Variants in PITHD1 observed in about 807,000 individuals in gnomAD.
PITHD1 encodes PITH domain-containing protein 1.
In PITHD1, 8 loss-of-function variants were observed where a neutral mutation model predicts 27.5. The ratio of observed to expected loss-of-function variants is 0.29; its 90% confidence interval spans 0.17 to 0.52. The LOEUF is 0.52. Ranked by LOEUF, PITHD1 falls within the 20% of genes least tolerant of loss-of-function variation. The pLI is 0.96. For synonymous variants in PITHD1, 118 were observed against 106.8 expected, an observed-to-expected ratio of 1.10 and a Z score of -0.64; for missense variants, 233 against 283.9, an observed-to-expected ratio of 0.82 and a Z score of 1.29.
In PITHD1 at chr1:23,778,673, G is replaced by T. The variant is rs1163481513; in HGVS notation, c.158G>T (p.Gly53Val). 26 of 1,317,778 alleles carry T rather than the reference G, an allele frequency of 2.0e-5. No individual in the cohort carries two copies. The highest frequency in any genetic ancestry group is 2.5e-5 in the Non-Finnish European group (26 of 1,035,720). The allele number at this position is 1,317,778 out of a possible 1,614,324, so 81.6% of individuals were successfully genotyped here. A position where few individuals can be genotyped will look rare whatever the true frequency, so the allele number is the denominator to read the frequency against. Reference protein sequence around the residue: ...LNESREGSGRGVFKPWEERTD... With the variant: ...LNESREGSGRVVFKPWEERTD... ...GAGAGCCGCGAGGGCAGCGGCCGCG[G>T]CGTCTTCAAGCCGTGGGAGGAGCGG... The change falls in exon 1 of 6, where the codon GGC (glycine) becomes GTC (valine). Residue 53 changes from glycine to valine, a missense_variant. By Grantham distance (109) the Gly-to-Val change is moderately radical. Transcript: ENST00000246151.
At chr1:23,783,539 C>T (rs1638640866) in intron 3 of PITHD1, among the ~76,000 whole-genome samples, 1 of 151,594 alleles carries the variant, frequency 6.6e-6, no homozygotes, top group African/African-American at 2.4e-5. Context: ...GCAACCTCCG[C>T]CTCCTGGGGT....
At chr1:23,785,550 T>C (rs1638669866) in intron 3 of PITHD1, 125 bp from the exon 4 acceptor site, 2 of 519,662 alleles carry the variant, frequency 3.8e-6, no homozygotes, top group Middle Eastern at 4.9e-4. Context: ...ATTTCTAAAA[T>C]ATGACCCCCA....
chr1:23,785,640 A>T (rs773756273), intron 3 of PITHD1, 35 bp from the exon 4 acceptor site: 7 of 1,350,792 alleles, frequency 5.2e-6, no homozygotes, highest in Non-Finnish European at 7.4e-6. Flanking sequence ...GTGATAATGC[A>T]CATTTCTTGA....
intron 3 of PITHD1, among the ~76,000 whole-genome samples, chr1:23,782,640 C>T (rs1331760074): frequency 6.6e-6 from 1 of 152,076 alleles, no homozygotes; most frequent in Non-Finnish European, 1.5e-5. Flanking sequence ...CTTACTTTGT[C>T]ACCTAGGCTG....
At chr1:23,779,612 G>T in intron 2 of PITHD1, 131 bp downstream of exon 2, 2 of 780,320 alleles carry the variant, frequency 2.6e-6, no homozygotes, top group South Asian at 3.0e-5. Context: ...GTGGGTTTGA[G>T]GAGGAAAGCA....
Position 23,785,786 on chromosome 1 carries a change from A to G in PITHD1, c.425+7A>G, listed in dbSNP as rs1201796733. ...AATTAGAGTATGCTACAAAGTAAGC[A>G]CTGGGCCTGTCTTCCATTCTCTATG... On this transcript the variant is annotated splice_region_variant and intron_variant, in intron 4 of 5. Coordinates refer to ENST00000246151, the MANE Select transcript of PITHD1 (RefSeq NM_020362.5). The G allele has an allele frequency of 6.7e-7, 1 of 1,489,560 alleles. No homozygotes were observed. Among genetic ancestry groups the G allele is most frequent in the Non-Finnish European group, 9.4e-7 (1 of 1,066,628 alleles). The allele number at this position is 1,489,560 out of a possible 1,614,324, so 92.3% of individuals were successfully genotyped here.
chr1:23,787,156 G>T, intron 5 of PITHD1, 119 bp from the exon 6 acceptor site: 1 of 589,418 alleles, frequency 1.7e-6, no homozygotes, highest in Non-Finnish European at 3.1e-6. Context: ...ATTAAAATAA[G>T]GAGATATTAA....
At chr1:23,779,557 G>A (rs918358928) in intron 2 of PITHD1, 76 bp downstream of exon 2, 15 of 1,095,582 alleles carry the variant, frequency 1.4e-5, no homozygotes, top group Non-Finnish European at 2.1e-5. Context: ...ATTCACTGGT[G>A]TCAAGAGCAC....
In PITHD1 at chr1:23,779,420, C is replaced by T. The variant is rs560081781; in HGVS notation, c.199-18C>T. 1 of 1,605,350 alleles carries T rather than the reference C, an allele frequency of 6.2e-7. No individual in the cohort carries two copies. Among genetic ancestry groups the T allele is most frequent in the South Asian group, 1.1e-5 (1 of 90,874 alleles). On this transcript the variant is annotated intron_variant, in intron 1 of 5. Coordinates refer to ENST00000246151, the MANE Select transcript of PITHD1 (RefSeq NM_020362.5). ...AAATATTTGTTGCTTTCTCCTCCCC[C>T]CTCCCCATCCCCTCCAGTTTGTTGA... is the stretch of plus-strand genomic sequence containing the variant.
At chr1:23,780,019 C>CT in intron 3 of PITHD1, 78 bp downstream of exon 3, 2 of 797,220 alleles carry the variant, frequency 2.5e-6, no homozygotes, top group South Asian at 2.8e-5. Flanking sequence ...AGAATAGTAT[C>CT]ATTTTCTTCT....
At position 23,778,428 on chromosome 1, in the gene PITHD1, G is replaced by A. The variant is rs1320868439; in HGVS notation, c.-88G>A. 5.3e-6 allele frequency: 5 copies of A among 950,278 alleles called. No individual in the cohort carries two copies. The highest frequency in any genetic ancestry group is 6.8e-6 in the Non-Finnish European group (5 of 732,054). 58.9% of individuals were successfully genotyped at this position (950,278 alleles called of 1,614,324 possible). On this transcript the variant is annotated 5_prime_UTR_variant, in exon 1 of 6. Transcript: ENST00000246151. ...AGGCGCGGCGCGCTTAGTTGCCGGA[G>A]CTGAACGGCGCGGAGCTGGTCTGAG... is the stretch of plus-strand genomic sequence containing the variant.
At position 23,778,713 on chromosome 1, in the gene PITHD1, G is replaced by C. The variant is rs1638548525; in HGVS notation, c.198G>C (p.Lys66Asn). 3.1e-6 allele frequency: 4 copies of C among 1,281,854 alleles called. No individual in the cohort carries two copies. In the East Asian group the frequency reaches 1.2e-4, roughly 40 times the overall value. The allele number at this position is 1,281,854 out of a possible 1,614,324, so 79.4% of individuals were successfully genotyped here. A position where few individuals can be genotyped will look rare whatever the true frequency, so the allele number is the denominator to read the frequency against. Residue 66 changes from lysine to asparagine, a missense_variant and splice_region_variant, in exon 1 of 6, where the codon AAG becomes AAC. Transcript: ENST00000246151. ...GGGAGGAGCGGACCGACCGCTCCAA[G>C]GTGGGCCGCCTGGGGCTTGGGGCGG... ...KPWEERTDRS[K>N]FVESDADEEL...
intron 3 of PITHD1, among the ~76,000 whole-genome samples, chr1:23,784,532 G>A (rs571957360): frequency 5.3e-5 from 8 of 152,184 alleles, no homozygotes; most frequent in East Asian, 1.9e-4. Flanking sequence ...GAGCCACTGC[G>A]CCCGGCGGCT....
At chr1:23,779,282 G>A (rs888039016) in intron 1 of PITHD1, 156 bp from the exon 2 acceptor site, 4 of 648,476 alleles carry the variant, frequency 6.2e-6, no homozygotes, top group African/African-American at 5.5e-5. Flanking sequence ...CACTGGATAA[G>A]ACTGGTTAGC....
intron 3 of PITHD1, among the ~76,000 whole-genome samples, chr1:23,782,465 C>T (rs1305882302): frequency 1.3e-5 from 2 of 150,186 alleles, no homozygotes; most frequent in African/African-American, 2.4e-5. Flanking sequence ...CACAGTGGCT[C>T]ATGCCTCAAT....
At position 23,787,263 on chromosome 1, in the gene PITHD1, A is replaced by T; in HGVS notation, c.535-12A>T. ...TTAATGGCTGGCTGACCCAGCCTCA[A>T]TTTTCTTGCAGCTTCGCCGACACGA... is the stretch of plus-strand genomic sequence containing the variant. On this transcript the variant is annotated splice_polypyrimidine_tract_variant and intron_variant, in intron 5 of 5. Transcript: ENST00000246151. 1.9e-6 allele frequency: 3 copies of T among 1,609,326 alleles called. No homozygotes were observed. The highest frequency in any genetic ancestry group is 2.6e-6 in the Non-Finnish European group (3 of 1,175,824).
rs1394877702 is a variant in PITHD1, at chr1:23,785,716, G to A, written c.362G>A (p.Arg121Lys). 6.2e-7 allele frequency: 1 copy of A among 1,610,942 alleles called. No individual in the cohort carries two copies. The highest frequency in any genetic ancestry group is 1.3e-5 in the African/African-American group (1 of 74,870). The stretch of plus-strand genomic sequence containing the variant: ...CAGATGTCCTTTGATGATACAGAAA[G>A]GGAGCCAGATCAGACCTTTAGTCTG... The part of the protein sequence containing the change: ...IPQMSFDDTE[R>K]EPDQTFSLNR... The change falls in exon 4 of 6, where the codon AGG becomes AAG. Residue 121 changes from arginine (R) to lysine (K), a missense_variant. Transcript: ENST00000246151.
chr1:23,778,639 T>C lies in PITHD1; in HGVS notation c.124T>C (p.Cys42Arg). ...GCGCATCGACCTGGAGCGGCTGCAA[T>C]GCCTTAACGAGAGCCGCGAGGGCAG... The part of the protein sequence containing the change: ...YLRIDLERLQ[C>R]LNESREGSGR... Residue 42 changes from cysteine (C) to arginine (R), a missense_variant, in exon 1 of 6, where the codon TGC (cysteine) becomes CGC (arginine). Transcript: ENST00000246151. The C allele has an allele frequency of 7.5e-7, 1 of 1,328,776 alleles. No homozygotes were observed. Among genetic ancestry groups the C allele is most frequent in the Non-Finnish European group, 9.6e-7 (1 of 1,040,058 alleles). 82.3% of individuals were successfully genotyped at this position (1,328,776 alleles called of 1,614,324 possible).
chr1:23,785,816 C>G (rs762341790), intron 4 of PITHD1, 37 bp downstream of exon 4: 2 of 1,152,564 alleles, frequency 1.7e-6, no homozygotes, highest in African/African-American at 1.5e-5. Context: ...TCTATGGCTT[C>G]TTATAGGGCT....
Sources: gnomAD v4.1 joint callset for allele counts (sites outside exome capture counted in the v4.1 genomes callset) on GRCh38, gnomAD v4.1.1 for gene constraint, MANE v1.5 for transcripts, NCBI Gene and HGNC (gene_info 2026-07-23, HGNC 2026-07-21) for gene names.